The following EFCAB8 variants were observed in gnomAD, a reference collection of about 807,000 sequenced individuals.
EFCAB8 encodes the protein EF-hand calcium binding domain 8.
A neutral mutation model predicts 116.3 loss-of-function variants in EFCAB8; 100 were observed. The ratio of observed to expected loss-of-function variants is 0.86; its 90% CI spans 0.73 to 1.02. EFCAB8 has a LOEUF of 1.02. Among genes scored for constraint, EFCAB8 ranks in the 50% least tolerant of loss-of-function variants. The probability of loss-of-function intolerance (pLI) is 0.00; values close to 1 mark genes in which losing one functional copy is unlikely to be tolerated. For missense variants in EFCAB8, 1,320 were observed against 1,416.9 expected (o/e 0.93, Z 1.10); for synonymous variants, 558 against 567.9 (o/e 0.98, Z 0.25).
Position 32,906,581 on chromosome 20 carries a change from A to T in EFCAB8, c.1108A>T (p.Arg370Trp), listed in dbSNP as rs1239720451. Residue 370 changes from arginine (R) to tryptophan (W), a missense_variant, in exon 12 of 27, where the codon AGG becomes TGG. By Grantham distance (101) the Arg-to-Trp change is moderately radical. Transcript: ENST00000400522. The stretch of plus-strand genomic sequence containing the variant: ...TTGTAGGTTGTCAGTGCTGCGTTTA[A>T]GGAAAGGGATTCTTTGCTTTGATTA... ...KKPRLSVLRL[R>W]KGILCFDYCP... 1.4e-6 allele frequency: 1 copy of T among 718,500 alleles called. No homozygotes were observed. Among genetic ancestry groups the T allele is most frequent in the Admixed American group, 2.0e-5 (1 of 50,026 alleles). The allele number at this position is 718,500 out of a possible 1,614,324, so 44.5% of individuals were successfully genotyped here. A position where few individuals can be genotyped will look rare whatever the true frequency, so the allele number is the denominator to read the frequency against.
rs1986268386 is a variant in EFCAB8, at chr20:32,898,434, G to T, written c.958-59G>T. 2.2e-5 allele frequency: 15 copies of T among 696,864 alleles called. No homozygotes were observed. In the East Asian group the frequency reaches 3.8e-4, roughly 18 times the overall value. The allele number at this position is 696,864 out of a possible 1,614,324, so 43.2% of individuals were successfully genotyped here. A position where few individuals can be genotyped will look rare whatever the true frequency, so the allele number is the denominator to read the frequency against. On this transcript the variant is annotated intron_variant, in intron 10 of 26. Coordinates refer to ENST00000400522, the MANE Select transcript of EFCAB8 (RefSeq NM_001143967.2). Reference sequence around the variant, plus strand: ...CCCAGCACCTGGTCATGTTCTGGGGGCTGGGCCTAGAAAGTTGTCCTTGGG... The same window carrying T: ...CCCAGCACCTGGTCATGTTCTGGGGTCTGGGCCTAGAAAGTTGTCCTTGGG...
At chr20:32,927,591 C>T (rs113412931) in intron 20 of EFCAB8, among the ~76,000 whole-genome samples, 10,132 of 152,216 alleles carry the variant, frequency 0.067, 471 homozygotes, top group African/African-American at 0.13. Flanking sequence ...GTGATCCACC[C>T]GCCTTGGCTT....
intron 20 of EFCAB8, among the ~76,000 whole-genome samples, chr20:32,929,690 G>A (rs1016999704): frequency 5.3e-5 from 8 of 151,930 alleles, no homozygotes; most frequent in East Asian, 3.9e-4. Flanking sequence ...GGACACATAA[G>A]CTATTACACT....
At chr20:32,954,868 C>T (rs1390510747) in intron 23 of EFCAB8, among the ~76,000 whole-genome samples, 1 of 152,126 alleles carries the variant, frequency 6.6e-6, no homozygotes, top group Admixed American at 6.5e-5. Flanking sequence ...TTCAACCTTG[C>T]ATTCCTGGAG....
intron 20 of EFCAB8, among the ~76,000 whole-genome samples, chr20:32,929,445 T>A (rs946144810): frequency 7.3e-5 from 11 of 151,182 alleles, no homozygotes; most frequent in African/African-American, 2.7e-4. Context: ...TTCTTTCTTT[T>A]CTTTTTTCTC....
rs942427935 is a variant in EFCAB8 at position 32,875,907 on chromosome 20, C to T, written c.209-19C>T. On this transcript the variant is annotated intron_variant, in intron 3 of 26. Coordinates refer to ENST00000400522, the MANE Select transcript of EFCAB8 (RefSeq NM_001143967.2). ...GACTTGTGAGGAAGGGGATGATGCTCTCTGTTCTCTCTTTGAAGCCCTGGG... is the reference window on the plus strand; with the variant it reads ...GACTTGTGAGGAAGGGGATGATGCTTTCTGTTCTCTCTTTGAAGCCCTGGG... The T allele has an allele frequency of 1.9e-6, 3 of 1,549,200 alleles. No homozygotes were observed. The highest frequency in any genetic ancestry group is 1.7e-6 in the Non-Finnish European group (2 of 1,144,854).
chr20:32,919,519 T>C (rs1987351023), intron 19 of EFCAB8, among the ~76,000 whole-genome samples: 1 of 152,224 alleles, frequency 6.6e-6, no homozygotes. Context: ...TTTTTTGAGA[T>C]GGAGTCTCAC....
At chr20:32,888,316 C>G (rs13039274) in intron 6 of EFCAB8, among the ~76,000 whole-genome samples, 1 of 152,164 alleles carries the variant, frequency 6.6e-6, no homozygotes, top group African/African-American at 2.4e-5. Context: ...GCCTCTGCCT[C>G]CCGGGTTCAG....
intron 3 of EFCAB8, among the ~76,000 whole-genome samples, chr20:32,869,659 G>A (rs898226758): frequency 6.6e-6 from 1 of 152,160 alleles, no homozygotes; most frequent in South Asian, 2.1e-4. Context: ...TCCAGGGGAG[G>A]GGATCGAAGG....
intron 5 of EFCAB8, among the ~76,000 whole-genome samples, chr20:32,884,320 C>T (rs1226947066): frequency 2.6e-5 from 4 of 152,210 alleles, no homozygotes; most frequent in African/African-American, 7.2e-5. Context: ...GTGCTGTCAT[C>T]ATGCAGGTGA....
intron 15 of EFCAB8, among the ~76,000 whole-genome samples, chr20:32,911,199 C>G (rs1036942172): frequency 6.6e-6 from 1 of 152,144 alleles, no homozygotes; most frequent in African/African-American, 2.4e-5. Flanking sequence ...TCAGTAATGT[C>G]TTTTCCATAT....
rs980759609 is a variant in EFCAB8 at position 32,885,584 on chromosome 20, A to G, written c.511A>G (p.Lys171Glu). 21 of 1,551,664 alleles carry G rather than the reference A, an allele frequency of 1.4e-5. No individual in the cohort carries two copies. Among genetic ancestry groups the G allele is most frequent in the Non-Finnish European group, 1.7e-5 (19 of 1,147,018 alleles). ...GATCGGGTGTTTCCTGACTGTCACC[A>G]AAGACGGGATCCTGCAGTTCTGGTC... ...KKIGCFLTVT[K>E]DGILQFWSES... The change falls in exon 6 of 27, where the codon AAA becomes GAA. Residue 171 changes from lysine (K) to glutamate (E), a missense_variant. Lys to Glu is a moderately conservative substitution (Grantham distance 56). Coordinates refer to ENST00000400522, the MANE Select transcript of EFCAB8 (RefSeq NM_001143967.2).
chr20:32,880,311 C>G (rs1363592278), intron 5 of EFCAB8, among the ~76,000 whole-genome samples: 2 of 151,826 alleles, frequency 1.3e-5, no homozygotes, highest in African/African-American at 4.8e-5. Context: ...CTCAGTTGCC[C>G]AGGTTGGAGT....
intron 22 of EFCAB8, among the ~76,000 whole-genome samples, chr20:32,943,279 A>G (rs764546834): frequency 1.2e-4 from 19 of 152,222 alleles, no homozygotes; most frequent in South Asian, 6.2e-4. Context: ...TGAGAATTAT[A>G]TACTTCTTAT....
At chr20:32,868,855 C>T (rs577579403) in intron 3 of EFCAB8, among the ~76,000 whole-genome samples, 155 of 152,176 alleles carry the variant, frequency 1.0e-3, no homozygotes, top group Non-Finnish European at 1.8e-3. Flanking sequence ...CGTGGTGGCA[C>T]GGGCCTCTAA....
In EFCAB8 at chr20:32,907,117, G is replaced by A. The variant is rs1021891058; in HGVS notation, c.1308+123G>A. The A allele has an allele frequency of 2.0e-5, 28 of 1,423,268 alleles. 1 individual carries two copies. The highest frequency in any genetic ancestry group is 2.9e-5 in the African/African-American group (2 of 69,438). 88.2% of individuals were successfully genotyped at this position (1,423,268 alleles called of 1,614,324 possible). ...CCAAAGGCCTAGCAGGAGGGGCCCC[G>A]GGTGGGAGGAAGGTGAGGGTGGCCA... On this transcript the variant is annotated intron_variant, in intron 13 of 26. Coordinates refer to ENST00000400522, the MANE Select transcript of EFCAB8 (RefSeq NM_001143967.2).
intron 3 of EFCAB8, among the ~76,000 whole-genome samples, chr20:32,875,660 G>A (rs145785114): frequency 6.6e-6 from 1 of 151,784 alleles, no homozygotes; most frequent in Admixed American, 6.6e-5. Context: ...ACCCACCACT[G>A]TGCCCAGCCA....
chr20:32,952,460 T>G, intron 23 of EFCAB8, among the ~76,000 whole-genome samples: 1 of 152,262 alleles, frequency 6.6e-6, no homozygotes, highest in East Asian at 1.9e-4. Context: ...ATTTAAATTT[T>G]GCATGGAGAT....
At chr20:32,861,346 T>C (rs1427772164) in intron 1 of EFCAB8, among the ~76,000 whole-genome samples, 1 of 152,196 alleles carries the variant, frequency 6.6e-6, no homozygotes, top group East Asian at 1.9e-4. Context: ...TGGAGTGCAA[T>C]GGCACAATCT....
Sources: gnomAD v4.1 joint callset for allele counts (sites outside exome capture counted in the v4.1 genomes callset) on GRCh38, gnomAD v4.1.1 for gene constraint, MANE v1.5 for transcripts, NCBI Gene and HGNC (gene_info 2026-07-23, HGNC 2026-07-21) for gene names.